The following CR1L variants were observed in gnomAD, a reference collection of about 807,000 sequenced individuals.
CR1L encodes complement C3b/C4b receptor 1 like, also known as complement component receptor 1-like protein.
A neutral mutation model predicts 62.3 loss-of-function variants in CR1L; 59 were observed. The observed-to-expected ratio is 0.95, with a 90% CI of 0.77 to 1.18. The LOEUF (loss-of-function observed/expected upper bound fraction) is 1.18, where lower values mean the gene tolerates loss of function less well. Ranked by LOEUF, CR1L falls within the 50% of genes most tolerant of loss-of-function variation. The pLI is 0.00. For missense variants in CR1L, 700 were observed against 702.8 expected (o/e 1.00, Z 0.04); for synonymous variants, 279 against 248.7 (o/e 1.12, Z -1.15).
At chr1:207,710,442 A>C in intron 10 of CR1L, 1 of 1,585,126 alleles carries the variant, frequency 6.3e-7, no homozygotes, top group Non-Finnish European at 8.7e-7. Context: ...ACCGACAGAG[A>C]GTATTTTCAC....
intron 9 of CR1L, among the ~76,000 whole-genome samples, chr1:207,706,326 T>C (rs1304394241): frequency 6.6e-6 from 1 of 151,078 alleles, no homozygotes; most frequent in East Asian, 1.9e-4. Context: ...GAGACTGAGG[T>C]GAAAGGATCA....
chr1:207,706,802 A>G (rs1394736601), intron 9 of CR1L, among the ~76,000 whole-genome samples: 2 of 152,182 alleles, frequency 1.3e-5, no homozygotes, highest in Non-Finnish European at 2.9e-5. Context: ...AAGGAGAATG[A>G]TGAATTCCTA....
intron 4 of CR1L, among the ~76,000 whole-genome samples, chr1:207,684,704 A>G (rs1663872827): frequency 6.6e-6 from 1 of 152,218 alleles, no homozygotes; most frequent in African/African-American, 2.4e-5. Flanking sequence ...CTTAATGACT[A>G]GAAAGAGATG....
At chr1:207,684,227 T>C (rs1376592746) in intron 4 of CR1L, among the ~76,000 whole-genome samples, 1 of 152,192 alleles carries the variant, frequency 6.6e-6, no homozygotes, top group Non-Finnish European at 1.5e-5. Context: ...GAAATTATGT[T>C]GGTTCTACCA....
intron 1 of CR1L, among the ~76,000 whole-genome samples, chr1:207,651,414 A>T (rs758890495): frequency 4.6e-5 from 7 of 152,128 alleles, no homozygotes; most frequent in Non-Finnish European, 4.4e-5. Flanking sequence ...TGAAGGTGAG[A>T]TTTCACTTGG....
At chr1:207,670,070 C>T (rs1377488622) in intron 1 of CR1L, among the ~76,000 whole-genome samples, 2 of 151,090 alleles carry the variant, frequency 1.3e-5, no homozygotes, top group African/African-American at 2.5e-5. Context: ...TAAAGCCTGT[C>T]GAGTATCTAA....
chr1:207,706,419 T>TA lies in CR1L; in HGVS notation c.1329-1750dup, dbSNP rs1303942776. 1.6e-4 allele frequency among the ~76,000 whole-genome samples: 24 copies of TA among 148,948 alleles called. No individual in the cohort carries two copies. The South Asian group carries it at 2.8e-3, about 17-fold the overall frequency. On this transcript the variant is annotated intron_variant, in intron 9 of 11. Coordinates refer to ENST00000508064, the MANE Select transcript of CR1L (RefSeq NM_175710.2). Reference sequence around the variant, plus strand: ...CTGGATGACAGAATGACACCTTGTCTAAAAAAAAAGAAAAAGAGAAGACGT... The same window carrying TA: ...CTGGATGACAGAATGACACCTTGTCTAAAAAAAAAAGAAAAAGAGAAGACGT...
At position 207,675,583 on chromosome 1, in the gene CR1L, A is replaced by T. The variant is rs180787253; in HGVS notation, c.98-1806A>T. ...TGGTAAGAGATGAAGCAGGAAACATAGACAAGGGCATCTTTGTACAAAGCC... is the reference window on the plus strand; with the variant it reads ...TGGTAAGAGATGAAGCAGGAAACATTGACAAGGGCATCTTTGTACAAAGCC... On this transcript the variant is annotated intron_variant, in intron 1 of 11. Coordinates refer to ENST00000508064, the MANE Select transcript of CR1L (RefSeq NM_175710.2). 4.6e-5 allele frequency among the ~76,000 whole-genome samples: 7 copies of T among 152,360 alleles called. 1 individual carries two copies. The highest frequency in any genetic ancestry group is 1.3e-4 in the Admixed American group (2 of 15,308).
intron 2 of CR1L, 120 bp downstream of exon 2, chr1:207,677,688 T>C: frequency 8.7e-7 from 1 of 1,148,906 alleles, no homozygotes; most frequent in Non-Finnish European, 1.2e-6. Flanking sequence ...GTGCAATACA[T>C]ATGAGAATTA....
chr1:207,719,161 T>G, intron 11 of CR1L, among the ~76,000 whole-genome samples: 1 of 138,146 alleles, frequency 7.2e-6, no homozygotes, highest in East Asian at 2.1e-4. Flanking sequence ...TAATGCTAGA[T>G]GACACGTTAG....
rs533775300 is a variant in CR1L at position 207,700,813 on chromosome 1, A to G, written c.1229-706A>G. ...TCCTGATGAGTGGCTGACACAGGAT[A>G]AGTGCTAAATTAAGAAAGATTGACT... On this transcript the variant is annotated intron_variant, in intron 8 of 11. Transcript: ENST00000508064. 2.6e-5 allele frequency among the ~76,000 whole-genome samples: 4 copies of G among 152,346 alleles called. No individual in the cohort carries two copies. In the South Asian group the frequency reaches 8.3e-4, roughly 32 times the overall value.
At position 207,717,447 on chromosome 1, in the gene CR1L, T is replaced by A; in HGVS notation, c.1415-17T>A. On this transcript the variant is annotated splice_polypyrimidine_tract_variant and intron_variant, in intron 10 of 11. Transcript: ENST00000508064. Reference sequence around the variant, plus strand: ...TGAAACTCTAATAGAACTTAAAAGCTCTTGTTTTCTTTCTAGAAATCTTTT... The same window carrying A: ...TGAAACTCTAATAGAACTTAAAAGCACTTGTTTTCTTTCTAGAAATCTTTT... 1 of 1,610,718 alleles carries A rather than the reference T, an allele frequency of 6.2e-7. No individual in the cohort carries two copies. Among genetic ancestry groups the A allele is most frequent in the Non-Finnish European group, 8.5e-7 (1 of 1,177,674 alleles).
rs184074123 is a variant in CR1L, at chr1:207,653,853, C to G, written c.97+8523C>G. Among the ~76,000 whole-genome samples, 26 of 152,248 alleles carry G rather than the reference C, an allele frequency of 1.7e-4. No homozygotes were observed. The East Asian group carries it at 4.8e-3, about 28-fold the overall frequency. On this transcript the variant is annotated intron_variant, in intron 1 of 11. Coordinates refer to ENST00000508064, the MANE Select transcript of CR1L (RefSeq NM_175710.2). Reference sequence around the variant, plus strand: ...TTCATAAAGAAAAGAATTTATTTGGCTCATATTTCTGGAGGCTGGGGAATT... The same window carrying G: ...TTCATAAAGAAAAGAATTTATTTGGGTCATATTTCTGGAGGCTGGGGAATT...
At chr1:207,705,643 CT>C (rs1312341639) in intron 9 of CR1L, among the ~76,000 whole-genome samples, 2 of 152,166 alleles carry the variant, frequency 1.3e-5, no homozygotes, top group Non-Finnish European at 2.9e-5. Flanking sequence ...GTCCTCTTTT[CT>C]TTTTTGAGCA....
chr1:207,694,888 A>G, intron 5 of CR1L, 137 bp downstream of exon 5: 1 of 1,485,442 alleles, frequency 6.7e-7, no homozygotes, highest in Middle Eastern at 2.5e-4. Flanking sequence ...GTGAACATGA[A>G]ATTCAGAAGG....
chr1:207,712,617 G>A (rs1664376493), intron 10 of CR1L, among the ~76,000 whole-genome samples: 1 of 152,212 alleles, frequency 6.6e-6, no homozygotes, highest in South Asian at 2.1e-4. Context: ...TTCTACAGCT[G>A]TGAGCCCAGC....
At chr1:207,700,369 C>G (rs1370471717) in intron 8 of CR1L, among the ~76,000 whole-genome samples, 1 of 152,176 alleles carries the variant, frequency 6.6e-6, no homozygotes, top group African/African-American at 2.4e-5. Context: ...TTGGACTACT[C>G]AAGCTTTCTC....
intron 9 of CR1L, 128 bp downstream of exon 9, chr1:207,701,746 T>C: frequency 8.1e-7 from 1 of 1,228,580 alleles, no homozygotes; most frequent in Non-Finnish European, 1.2e-6. Context: ...AGGTATTAAC[T>C]CCTGATTGAA....
chr1:207,656,596 G>C (rs1310153218), intron 1 of CR1L, among the ~76,000 whole-genome samples: 1 of 152,176 alleles, frequency 6.6e-6, no homozygotes, highest in Non-Finnish European at 1.5e-5. Context: ...CATCTGCTGG[G>C]GGTTTGGGGA....
Sources: gnomAD v4.1 joint callset for allele counts (sites outside exome capture counted in the v4.1 genomes callset) on GRCh38, gnomAD v4.1.1 for gene constraint, MANE v1.5 for transcripts, NCBI Gene and HGNC (gene_info 2026-07-23, HGNC 2026-07-21) for gene names.